Variants in OSBPL11 observed in about 807,000 individuals in gnomAD.
The protein encoded by OSBPL11 is oxysterol-binding protein-related protein 11.
Under a neutral mutation model 84.4 loss-of-function variants are expected in OSBPL11, and 33 were observed. That is an observed-to-expected ratio of 0.39 (90% CI 0.30 to 0.52). The LOEUF is 0.52. Ranked by LOEUF, OSBPL11 falls within the 20% of genes least tolerant of loss-of-function variation. The pLI, the probability that OSBPL11 is intolerant of heterozygous loss-of-function variation, is 0.72. For missense variants in OSBPL11, 736 were observed against 901.1 expected, an observed-to-expected ratio of 0.82 and a Z score of 2.35; for synonymous variants, 276 against 310.2, an observed-to-expected ratio of 0.89 and a Z score of 1.16.
At chr3:125,558,833 TC>T (rs1477104465) in intron 8 of OSBPL11, among the ~76,000 whole-genome samples, 4 of 152,202 alleles carry the variant, frequency 2.6e-5, no homozygotes, top group Non-Finnish European at 4.4e-5. Context: ...TATATATGAA[TC>T]GTCAGGGATC....
intron 9 of OSBPL11, 77 bp downstream of exon 9, chr3:125,552,104 T>C: frequency 1.1e-6 from 1 of 883,582 alleles, no homozygotes; most frequent in Middle Eastern, 3.7e-4. Flanking sequence ...CTTTCATTCC[T>C]GCTTGGAAAA....
chr3:125,560,976 G>T (rs2333266), intron 7 of OSBPL11, among the ~76,000 whole-genome samples: 9,479 of 151,952 alleles, frequency 0.062, 377 homozygotes, highest in African/African-American at 0.12. Flanking sequence ...TGGGATTACA[G>T]GTGCCCACCA....
chr3:125,547,527 A>G lies in OSBPL11; in HGVS notation c.1720T>C (p.Ser574Pro). 1 of 1,613,950 alleles carries G rather than the reference A, an allele frequency of 6.2e-7. No homozygotes were observed. Among genetic ancestry groups the G allele is most frequent in the Non-Finnish European group, 8.5e-7 (1 of 1,179,830 alleles). ...TFSLPCAYAR[S>P]ILTVPWVELG... ...TCTACCCAAGGAACAGTCAAAATTG[A>G]CCGAGCATATGCACAGGGTAGAGAA... is the stretch of plus-strand genomic sequence containing the variant. Residue 574 changes from serine (S) to proline (P), a missense_variant, in exon 10 of 13, where the codon TCA becomes CCA. Ser to Pro is a moderately conservative substitution (Grantham distance 74). Coordinates refer to ENST00000296220, the MANE Select transcript of OSBPL11 (RefSeq NM_022776.5).
intron 2 of OSBPL11, among the ~76,000 whole-genome samples, chr3:125,580,275 G>A (rs1936402467): frequency 6.6e-6 from 1 of 152,148 alleles, no homozygotes; most frequent in Non-Finnish European, 1.5e-5. Context: ...AGCACTTTGG[G>A]AGGCAGAGGC....
chr3:125,560,430 A>T lies in OSBPL11; in HGVS notation c.1104T>A (p.Ser368Arg). The change falls in exon 8 of 13, where the codon AGT (serine) becomes AGA (arginine). Residue 368 changes from serine (S) to arginine (R), a missense_variant. Ser to Arg is a moderately radical substitution (Grantham distance 110). Coordinates refer to ENST00000296220, the MANE Select transcript of OSBPL11 (RefSeq NM_022776.5). Reference protein sequence around the residue: ...DDLGAVEEQRSVILHLLSQLK... With the variant: ...DDLGAVEEQRRVILHLLSQLK... ...GCTGTGACAAGAGATGTAGGATGAC[A>T]CTACGTTGTTCTTCTACAGCTCCCA... 3 of 1,607,362 alleles carry T rather than the reference A, an allele frequency of 1.9e-6. No individual in the cohort carries two copies. The highest frequency in any genetic ancestry group is 1.7e-6 in the Non-Finnish European group (2 of 1,176,208).
At chr3:125,568,949 T>C (rs1936203103) in intron 5 of OSBPL11, among the ~76,000 whole-genome samples, 1 of 151,220 alleles carries the variant, frequency 6.6e-6, no homozygotes, top group African/African-American at 2.4e-5. Context: ...TCCAGGTGAT[T>C]TTTTTTTTCT....
intron 8 of OSBPL11, among the ~76,000 whole-genome samples, chr3:125,556,372 G>A (rs569106718): frequency 1.3e-5 from 2 of 152,294 alleles, no homozygotes; most frequent in East Asian, 3.9e-4. Context: ...TCCTCTCCAT[G>A]TTCTGCTGTC....
chr3:125,560,638 T>C (rs1936062550), intron 7 of OSBPL11, 119 bp from the exon 8 acceptor site: 1 of 885,984 alleles, frequency 1.1e-6, no homozygotes, highest in Non-Finnish European at 1.6e-6. Flanking sequence ...AATCTGAGTA[T>C]GGGCAAAAAT....
rs1936176782 is a variant in OSBPL11 at position 125,567,473 on chromosome 3, T to C, written c.789A>G (p.Ala263=). The part of the protein sequence containing the change: ...DLLMLKATSM[A]TMNCLNDCFH... ...AGCAGTCATTTAAGCAGTTCATAGT[T>C]GCCATGGAAGTAGCTTTGAGCATTA... Residue 263 remains alanine (A), a synonymous_variant, in exon 6 of 13, where the codon GCA becomes GCG. Coordinates refer to ENST00000296220, the MANE Select transcript of OSBPL11 (RefSeq NM_022776.5). The C allele has an allele frequency of 6.2e-7, 1 of 1,614,070 alleles. No individual in the cohort carries two copies. Among genetic ancestry groups the C allele is most frequent in the Non-Finnish European group, 8.5e-7 (1 of 1,180,032 alleles).
intron 4 of OSBPL11, 64 bp downstream of exon 4, chr3:125,578,896 G>C: frequency 9.4e-7 from 1 of 1,058,642 alleles, no homozygotes. Context: ...ATTTTAAAAG[G>C]CAAAAAATAA....
intron 11 of OSBPL11, among the ~76,000 whole-genome samples, chr3:125,536,241 C>T (rs1005092498): frequency 1.3e-5 from 2 of 152,018 alleles, no homozygotes; most frequent in Non-Finnish European, 2.9e-5. Context: ...TTTCAAAACT[C>T]GACAACTGGT....
At chr3:125,594,537 T>C in intron 1 of OSBPL11, 100 bp downstream of exon 1, 3 of 1,399,962 alleles carry the variant, frequency 2.1e-6, no homozygotes, top group East Asian at 2.3e-5. Context: ...TGGAAGCCAG[T>C]GAAAAAACTT....
At chr3:125,570,304 G>C (rs375933031) in intron 5 of OSBPL11, among the ~76,000 whole-genome samples, 8 of 136,586 alleles carry the variant, frequency 5.9e-5, no homozygotes, top group African/African-American at 2.3e-4. Flanking sequence ...CCATCCTGGG[G>C]AACACAGCAA....
At chr3:125,563,944 A>C in intron 6 of OSBPL11, 101 bp from the exon 7 acceptor site, 2 of 1,355,352 alleles carry the variant, frequency 1.5e-6, no homozygotes, top group South Asian at 2.6e-5. Flanking sequence ...ACAAGCCTAA[A>C]AGCAATTAAA....
intron 4 of OSBPL11, among the ~76,000 whole-genome samples, chr3:125,577,827 T>A (rs1296165206): frequency 2.0e-5 from 3 of 149,116 alleles, no homozygotes; most frequent in Non-Finnish European, 4.4e-5. Flanking sequence ...AGACTCCATC[T>A]CAAAAAAAAA....
At chr3:125,582,267 A>G (rs11928878) in intron 2 of OSBPL11, among the ~76,000 whole-genome samples, 10,298 of 151,708 alleles carry the variant, frequency 0.068, 466 homozygotes, top group Non-Finnish European at 0.098. Context: ...CCCCGGAGGC[A>G]GAGGTTACAG....
chr3:125,535,312 T>C (rs12488615), intron 11 of OSBPL11, among the ~76,000 whole-genome samples: 10,125 of 152,000 alleles, frequency 0.067, 455 homozygotes, highest in Non-Finnish European at 0.098. Context: ...AACAGCCCTA[T>C]ATATTAAACA....
chr3:125,543,564 CA>C (rs1463418283), intron 10 of OSBPL11, among the ~76,000 whole-genome samples: 1 of 152,146 alleles, frequency 6.6e-6, no homozygotes, highest in African/African-American at 2.4e-5. Context: ...TGGAATATGT[CA>C]ATTTGATATA....
At position 125,552,424 on chromosome 3, in the gene OSBPL11, T is replaced by G. The variant is rs772770575; in HGVS notation, c.1411A>C (p.Ser471Arg). ...WKMPKSEVASSVFSSSSTQGV... is the reference protein window; with the variant it reads ...WKMPKSEVASRVFSSSSTQGV... ...TGGGTGGAAGAACTGCTAAAAACAC[T>G]GGATGCTACCTCGCTTTTTGGCATC... The change falls in exon 9 of 13, where the codon AGT becomes CGT. Residue 471 changes from serine (S) to arginine (R), a missense_variant. Transcript: ENST00000296220. 4 of 1,614,204 alleles carry G rather than the reference T, an allele frequency of 2.5e-6. No homozygotes were observed. The Admixed American group carries it at 6.7e-5, about 27-fold the overall frequency.
Sources: allele counts gnomAD v4.1 joint callset (sites outside exome capture counted in the v4.1 genomes callset), GRCh38; gene constraint gnomAD v4.1.1; transcripts MANE v1.5; gene names NCBI Gene and HGNC (gene_info 2026-07-23, HGNC 2026-07-21).